ATRN: variants seen among roughly 807,000 people sequenced by gnomAD.
ATRN encodes the protein attractin, also known as attractin-2.
Under a neutral mutation model 178.7 loss-of-function variants are expected in ATRN, and 54 were observed. The ratio of observed to expected loss-of-function variants is 0.30; its 90% CI spans 0.24 to 0.38. ATRN has a LOEUF of 0.38. Ranked by LOEUF, ATRN falls within the 10% of genes least tolerant of loss-of-function variation. The pLI is 1.00. For missense variants in ATRN, 1,443 were observed against 1,815.1 expected, an observed-to-expected ratio of 0.79 and a Z score of 3.73; for synonymous variants, 636 against 663.0, an observed-to-expected ratio of 0.96 and a Z score of 0.63.
chr20:3,569,433 A>G (rs1434889547), intron 11 of ATRN, among the ~76,000 whole-genome samples: 1 of 152,192 alleles, frequency 6.6e-6, no homozygotes, highest in Non-Finnish European at 1.5e-5. Flanking sequence ...GTAAAAATGC[A>G]ATATAAAAGA....
intron 19 of ATRN, among the ~76,000 whole-genome samples, chr20:3,592,070 C>T (rs764947806): frequency 6.6e-6 from 1 of 152,190 alleles, no homozygotes; most frequent in Non-Finnish European, 1.5e-5. Context: ...AGGAGCCAGA[C>T]TCCTCAATAC....
At chr20:3,551,736 T>C (rs1432113050) in intron 6 of ATRN, among the ~76,000 whole-genome samples, 1 of 152,168 alleles carries the variant, frequency 6.6e-6, no homozygotes, top group African/African-American at 2.4e-5. Context: ...GTTTTCATTC[T>C]CAGTTAATGG....
At chr20:3,481,717 T>C (rs2084624121) in intron 1 of ATRN, among the ~76,000 whole-genome samples, 1 of 152,064 alleles carries the variant, frequency 6.6e-6, no homozygotes, top group South Asian at 2.1e-4. Context: ...TCTAGCTGTT[T>C]ATTTACATGC....
At chr20:3,608,992 A>G (rs2086720503) in intron 24 of ATRN, among the ~76,000 whole-genome samples, 1 of 151,448 alleles carries the variant, frequency 6.6e-6, no homozygotes, top group Admixed American at 6.6e-5. Flanking sequence ...AAAAAAAAAA[A>G]GAAATGCTTT....
intron 15 of ATRN, among the ~76,000 whole-genome samples, chr20:3,580,613 T>C (rs1202086149): frequency 2.0e-5 from 3 of 152,158 alleles, no homozygotes; most frequent in Non-Finnish European, 1.5e-5. Context: ...AATTAGGATG[T>C]CGAAGACGGA....
At chr20:3,559,610 A>T (rs1045988383) in intron 7 of ATRN, 127 bp downstream of exon 7, 11 of 690,754 alleles carry the variant, frequency 1.6e-5, no homozygotes, top group Non-Finnish European at 2.5e-5. Context: ...TGGGGGCATT[A>T]TATAATTGGC....
At chr20:3,611,486 C>T (rs2086765134) in intron 24 of ATRN, among the ~76,000 whole-genome samples, 2 of 152,200 alleles carry the variant, frequency 1.3e-5, no homozygotes, top group African/African-American at 4.8e-5. Context: ...CACCTGAAAT[C>T]CCAGCACTTT....
Position 3,542,094 on chromosome 20 carries a change from G to A in ATRN, c.608+1759G>A, listed in dbSNP as rs146549977. 2.2e-4 allele frequency among the ~76,000 whole-genome samples: 34 copies of A among 152,338 alleles called. No homozygotes were observed. The East Asian group carries it at 6.6e-3, about 29-fold the overall frequency. On this transcript the variant is annotated intron_variant, in intron 3 of 28. Coordinates refer to ENST00000262919, the MANE Select transcript of ATRN (RefSeq NM_139321.3). ...CACTTACAAGGCCAAAGAGCAGGGT[G>A]GATGGCTGTGCTGAGCATTTAAAAT...
intron 1 of ATRN, among the ~76,000 whole-genome samples, chr20:3,509,710 G>A (rs542128027): frequency 6.6e-6 from 1 of 152,160 alleles, no homozygotes; most frequent in Non-Finnish European, 1.5e-5. Flanking sequence ...TGCCACGTTG[G>A]CCAGGCTGGT....
Position 3,572,807 on chromosome 20 carries a change from G to A in ATRN, c.1948G>A (p.Ala650Thr), listed in dbSNP as rs940286274. 1 of 1,613,994 alleles carries A rather than the reference G, an allele frequency of 6.2e-7. No homozygotes were observed. Among genetic ancestry groups the A allele is most frequent in the African/African-American group, 1.3e-5 (1 of 74,976 alleles). ...GGTATTCACCTCGGAACAGTGTGAT[G>A]CGCATCGGAGTGAAGCCGCTTGTTT... ...ILVFTSEQCD[A>T]HRSEAACLAA... is the part of the protein sequence containing the mutation. Residue 650 changes from alanine to threonine, a missense_variant, in exon 12 of 29, where the codon GCG (alanine) becomes ACG (threonine). Coordinates refer to ENST00000262919, the MANE Select transcript of ATRN (RefSeq NM_139321.3).
chr20:3,649,381 A>G lies in ATRN; in HGVS notation c.*2534A>G, dbSNP rs933745479. On this transcript the variant is annotated 3_prime_UTR_variant, in exon 29 of 29. Transcript: ENST00000262919. ...ACAGAAAAAATCTTCATGTATTTTT[A>G]TTAAATATAACAATGTCTGAGTTTC... 3 of 152,624 alleles carry G rather than the reference A, an allele frequency of 2.0e-5. No homozygotes were observed. The highest frequency in any genetic ancestry group is 1.3e-4 in the Admixed American group (2 of 15,282). The allele number at this position is 152,624 out of a possible 1,614,324, so 9.5% of individuals were successfully genotyped here. A position where few individuals can be genotyped will look rare whatever the true frequency, so the allele number is the denominator to read the frequency against.
At chr20:3,567,986 T>C (rs941762026) in intron 11 of ATRN, among the ~76,000 whole-genome samples, 1 of 152,178 alleles carries the variant, frequency 6.6e-6, no homozygotes, top group Non-Finnish European at 1.5e-5. Context: ...AGTAAGCCTA[T>C]AGCAAGGTAA....
chr20:3,562,608 G>T (rs972186810), intron 9 of ATRN, 149 bp downstream of exon 9: 28 of 692,622 alleles, frequency 4.0e-5, no homozygotes, highest in East Asian at 3.5e-4. Context: ...TAAACAGAGG[G>T]TAATAAAGTA....
At chr20:3,563,394 G>A (rs778312702) in intron 10 of ATRN, 31 bp downstream of exon 10, 6 of 1,605,368 alleles carry the variant, frequency 3.7e-6, no homozygotes, top group Non-Finnish European at 4.3e-6. Context: ...TTCTCTTCAG[G>A]CATCTTTTTG....
chr20:3,572,967 T>C lies in ATRN; in HGVS notation c.2092+16T>C. On this transcript the variant is annotated intron_variant, in intron 12 of 28. Coordinates refer to ENST00000262919, the MANE Select transcript of ATRN (RefSeq NM_139321.3). ...TCCAAAAGAAGTATGTTTTTTTTTC[T>C]CTACTTAGATTTTAATGAATTTGAG... The C allele has an allele frequency of 6.3e-7, 1 of 1,596,846 alleles. No homozygotes were observed. The highest frequency in any genetic ancestry group is 1.1e-5 in the South Asian group (1 of 90,292).
At chr20:3,538,770 A>G (rs1404937669) in intron 2 of ATRN, among the ~76,000 whole-genome samples, 1 of 152,104 alleles carries the variant, frequency 6.6e-6, no homozygotes, top group Non-Finnish European at 1.5e-5. Flanking sequence ...GGGCCACTTA[A>G]TAGCCTTGAA....
chr20:3,540,642 T>TTC (rs1379782596), intron 3 of ATRN, among the ~76,000 whole-genome samples: 1 of 152,220 alleles, frequency 6.6e-6, no homozygotes, highest in Non-Finnish European at 1.5e-5. Flanking sequence ...CAAAATGTTT[T>TTC]GAGAGTGATA....
At chr20:3,587,567 A>G (rs1396701450) in intron 18 of ATRN, among the ~76,000 whole-genome samples, 1 of 151,396 alleles carries the variant, frequency 6.6e-6, no homozygotes, top group Non-Finnish European at 1.5e-5. Context: ...CTAAGCTCTC[A>G]TTTTTGTGCA....
chr20:3,487,287 G>C (rs770651403), intron 1 of ATRN, among the ~76,000 whole-genome samples: 1 of 152,130 alleles, frequency 6.6e-6, no homozygotes, highest in South Asian at 2.1e-4. Context: ...AGGCTGGAGT[G>C]CAGTGGCATG....
Sources: allele counts gnomAD v4.1 joint callset (sites outside exome capture counted in the v4.1 genomes callset), GRCh38; gene constraint gnomAD v4.1.1; transcripts MANE v1.5; gene names NCBI Gene and HGNC (gene_info 2026-07-23, HGNC 2026-07-21).